Variants in PEX5L observed in about 807,000 individuals in gnomAD.
The protein encoded by PEX5L is PEX5-related protein.
A neutral mutation model predicts 84.0 loss-of-function variants in PEX5L; 30 were observed. The ratio of observed to expected loss-of-function variants is 0.36; its 90% confidence interval spans 0.27 to 0.48. The LOEUF (loss-of-function observed/expected upper bound fraction) is 0.48. Ranked by LOEUF, PEX5L falls within the 20% of genes least tolerant of loss-of-function variation. The pLI is 0.99. For missense variants in PEX5L, 533 were observed against 754.6 expected (o/e 0.71, Z 3.44); for synonymous variants, 270 against 283.1 (o/e 0.95, Z 0.46).
At chr3:179,983,920 C>T (rs1179902451) in intron 1 of PEX5L, among the ~76,000 whole-genome samples, 6 of 151,936 alleles carry the variant, frequency 3.9e-5, no homozygotes, top group Non-Finnish European at 7.4e-5. Context: ...AAGATATGAA[C>T]CAATGAACCA....
At chr3:180,035,213 G>A (rs1472415145) in intron 1 of PEX5L, among the ~76,000 whole-genome samples, 1 of 152,098 alleles carries the variant, frequency 6.6e-6, no homozygotes, top group Non-Finnish European at 1.5e-5. Flanking sequence ...ATTCTTGGGT[G>A]AAGATGAAGC....
At chr3:179,890,442 A>G (rs1757263067) in intron 3 of PEX5L, among the ~76,000 whole-genome samples, 2 of 152,184 alleles carry the variant, frequency 1.3e-5, no homozygotes, top group Admixed American at 1.3e-4. Context: ...AACCAATACA[A>G]CTGTGACTTT....
intron 3 of PEX5L, 114 bp downstream of exon 3, chr3:179,898,028 G>T: frequency 1.8e-6 from 1 of 554,736 alleles, no homozygotes; most frequent in South Asian, 4.0e-5. Context: ...CATTGAAACT[G>T]TCTTTAAAAA....
chr3:179,973,767 G>C (rs1399175557), intron 1 of PEX5L: 1 of 985,228 alleles, frequency 1.0e-6, no homozygotes, highest in African/African-American at 1.7e-5. Context: ...CCTGGGAAGA[G>C]GCTAGTTCAG....
intron 2 of PEX5L, among the ~76,000 whole-genome samples, chr3:179,960,044 T>C (rs1781622389): frequency 6.6e-6 from 1 of 152,220 alleles, no homozygotes; most frequent in African/African-American, 2.4e-5. Flanking sequence ...TATGTTTTGC[T>C]TATTTTTTTT....
intron 2 of PEX5L, among the ~76,000 whole-genome samples, chr3:179,903,050 AT>A (rs533928254): frequency 3.5e-4 from 53 of 152,220 alleles, no homozygotes; most frequent in Middle Eastern, 6.8e-3. Flanking sequence ...ATTTTCATGA[AT>A]TTTTTTAAAA....
intron 1 of PEX5L, among the ~76,000 whole-genome samples, chr3:180,008,595 G>A (rs1789136828): frequency 6.6e-6 from 1 of 152,190 alleles, no homozygotes. Flanking sequence ...AAGAAAATGA[G>A]ATTTAATTGG....
Position 179,802,869 on chromosome 3 carries a change from T to TC in PEX5L, c.1677-838_1677-837insG, listed in dbSNP as rs1719626949. 7.2e-5 allele frequency among the ~76,000 whole-genome samples: 11 copies of TC among 151,976 alleles called. 1 individual carries two copies. The South Asian group carries it at 2.3e-3, about 32-fold the overall frequency. On this transcript the variant is annotated intron_variant, in intron 14 of 14. Transcript: ENST00000467460. ...AGCAGTAGGCAAATTTCTTGTTTTT[T>TC]TTTTTTCCAAGGATTACTTTCCCTG...
At chr3:179,945,091 AAATTGAAGCC>A (rs1420066600) in intron 2 of PEX5L, among the ~76,000 whole-genome samples, 28 of 152,334 alleles carry the variant, frequency 1.8e-4, no homozygotes, top group Non-Finnish European at 3.7e-4. Flanking sequence ...ACAGAGTGAA[AAATTGAAGCC>A]AATTTGCAAT....
chr3:179,996,651 A>G (rs1018299250), intron 1 of PEX5L, among the ~76,000 whole-genome samples: 2 of 152,200 alleles, frequency 1.3e-5, no homozygotes, highest in Non-Finnish European at 2.9e-5. Flanking sequence ...CAGCACCTGC[A>G]TCTTTGAAGA....
At chr3:179,947,578 T>C (rs1453570207) in intron 2 of PEX5L, among the ~76,000 whole-genome samples, 2 of 152,082 alleles carry the variant, frequency 1.3e-5, no homozygotes, top group African/African-American at 4.8e-5. Context: ...TATAGTACCT[T>C]AACATTCCCA....
intron 2 of PEX5L, among the ~76,000 whole-genome samples, chr3:179,964,735 C>G (rs1001122836): frequency 6.6e-6 from 1 of 152,090 alleles, no homozygotes; most frequent in African/African-American, 2.4e-5. Flanking sequence ...AATGCATACC[C>G]AAACCACAAT....
At chr3:179,847,573 A>G (rs866950556) in intron 8 of PEX5L, among the ~76,000 whole-genome samples, 2 of 152,220 alleles carry the variant, frequency 1.3e-5, no homozygotes, top group African/African-American at 4.8e-5. Context: ...GAGTTTACCA[A>G]CTTTCCATTG....
At chr3:179,913,661 A>T (rs1765962020) in intron 2 of PEX5L, among the ~76,000 whole-genome samples, 1 of 152,180 alleles carries the variant, frequency 6.6e-6, no homozygotes, top group Non-Finnish European at 1.5e-5. Context: ...AATTGGAAAT[A>T]GAAATGTATT....
intron 4 of PEX5L, among the ~76,000 whole-genome samples, chr3:179,884,152 TGTG>T (rs1194530267): frequency 6.6e-6 from 1 of 152,134 alleles, no homozygotes; most frequent in Admixed American, 6.5e-5. Context: ...ACACAGCTGG[TGTG>T]GTAGAAAAAC....
chr3:180,021,520 A>G (rs1387699511), intron 1 of PEX5L, among the ~76,000 whole-genome samples: 1 of 152,214 alleles, frequency 6.6e-6, no homozygotes, highest in Non-Finnish European at 1.5e-5. Context: ...TGCACTTAGA[A>G]ACACTATTAT....
chr3:180,009,514 G>T (rs1051947992), intron 1 of PEX5L, among the ~76,000 whole-genome samples: 1 of 151,594 alleles, frequency 6.6e-6, no homozygotes, highest in African/African-American at 2.4e-5. Context: ...CAGTAAAAAT[G>T]ATCAAGGAAG....
chr3:179,917,424 T>C (rs1427712843), intron 2 of PEX5L, among the ~76,000 whole-genome samples: 2 of 152,108 alleles, frequency 1.3e-5, no homozygotes, highest in East Asian at 1.9e-4. Context: ...AGCAACATAG[T>C]TGTTTATTAT....
Position 179,797,064 on chromosome 3 carries a change from T to A in PEX5L, c.*4764A>T, listed in dbSNP as rs1403445470. 2 of 152,126 alleles carry A rather than the reference T, an allele frequency of 1.3e-5. No homozygotes were observed. Among genetic ancestry groups the A allele is most frequent in the Non-Finnish European group, 1.5e-5 (1 of 67,980 alleles). 9.4% of individuals were successfully genotyped at this position (152,126 alleles called of 1,614,324 possible). ...CCAAACTTTTAGAAAAATTTTGAAA[T>A]GCATTATTAAGAATTTAAAGTCGAA... is the stretch of plus-strand genomic sequence containing the variant. On this transcript the variant is annotated 3_prime_UTR_variant, in exon 15 of 15. Transcript: ENST00000467460.
Sources: allele counts gnomAD v4.1 joint callset (sites outside exome capture counted in the v4.1 genomes callset), GRCh38; gene constraint gnomAD v4.1.1; transcripts MANE v1.5; gene names NCBI Gene and HGNC (gene_info 2026-07-23, HGNC 2026-07-21).